SCARA5: variants seen among roughly 807,000 people sequenced by gnomAD.
SCARA5 encodes scavenger receptor class A member 5.
A neutral mutation model predicts 46.3 loss-of-function variants in SCARA5; 45 were observed. The observed-to-expected ratio is 0.97, with a 90% CI of 0.76 to 1.24. The LOEUF is 1.24. Ranked by LOEUF, SCARA5 falls within the 50% of genes most tolerant of loss-of-function variation. The probability of loss-of-function intolerance (pLI) is 0.00; values close to 1 mark genes in which losing one functional copy is unlikely to be tolerated. For synonymous variants in SCARA5, 333 were observed against 306.5 expected (o/e 1.09, Z -0.90); for missense variants, 680 against 689.0 (o/e 0.99, Z 0.15).
At chr8:27,937,317 T>C (rs1016864718) in intron 3 of SCARA5, among the ~76,000 whole-genome samples, 2 of 152,164 alleles carry the variant, frequency 1.3e-5, no homozygotes, top group Non-Finnish European at 2.9e-5. Flanking sequence ...GGGACCAACC[T>C]GGGACTCACC....
chr8:27,876,611 A>G (rs571550256), intron 8 of SCARA5, among the ~76,000 whole-genome samples: 87 of 152,206 alleles, frequency 5.7e-4, no homozygotes, highest in African/African-American at 2.1e-3. Flanking sequence ...CCATTGGAGA[A>G]GCCCATGGGG....
At chr8:27,896,908 A>G (rs1482726457) in intron 7 of SCARA5, among the ~76,000 whole-genome samples, 1 of 152,176 alleles carries the variant, frequency 6.6e-6, no homozygotes, top group Non-Finnish European at 1.5e-5. Flanking sequence ...CCTGACCAAC[A>G]TGGTGAAACC....
intron 3 of SCARA5, among the ~76,000 whole-genome samples, chr8:27,957,873 G>C (rs112238479): frequency 3.4e-4 from 52 of 152,342 alleles, no homozygotes; most frequent in Middle Eastern, 3.4e-3. Context: ...GCCTAGCATG[G>C]GGTTGGCAAA....
chr8:27,953,818 T>C lies in SCARA5; in HGVS notation c.241+12596A>G, dbSNP rs530709125. On this transcript the variant is annotated intron_variant, in intron 3 of 8. Coordinates refer to ENST00000354914, the MANE Select transcript of SCARA5 (RefSeq NM_173833.6). ...GTATGGGAAATTTGGAGCATCTGAA[T>C]AGTGAGTTTACACCCAAAAAAGGTT... Among the ~76,000 whole-genome samples the C allele has an allele frequency of 1.8e-4, 27 of 152,198 alleles. No individual in the cohort carries two copies. The East Asian group carries it at 4.6e-3, about 26-fold the overall frequency.
intron 4 of SCARA5, among the ~76,000 whole-genome samples, chr8:27,910,949 C>T (rs530783166): frequency 4.6e-5 from 7 of 152,276 alleles, no homozygotes; most frequent in South Asian, 2.1e-4. Context: ...ACCACACAGG[C>T]GGCGAGTGAG....
rs377017472 is a variant in SCARA5, at chr8:27,887,457, C to T, written c.1154-7691G>A. Among the ~76,000 whole-genome samples, 11 of 152,152 alleles carry T rather than the reference C, an allele frequency of 7.2e-5. 1 individual carries two copies. The East Asian group carries it at 1.5e-3, about 21-fold the overall frequency. On this transcript the variant is annotated intron_variant, in intron 7 of 8. Transcript: ENST00000354914. ...GATGGTACTGGCTACAAGGCTGGTC[C>T]CTACCAGCTCTGTGCAGGAATGGCA...
chr8:27,989,586 CG>C (rs1195587342), intron 1 of SCARA5, among the ~76,000 whole-genome samples: 27 of 152,202 alleles, frequency 1.8e-4, no homozygotes, highest in Non-Finnish European at 2.9e-4. Context: ...TCCCCCATAA[CG>C]GGCACACACA....
At position 27,966,432 on chromosome 8, in the gene SCARA5, C is replaced by T. The variant is rs1808368912; in HGVS notation, c.223G>A (p.Gly75Ser). 1 of 1,611,236 alleles carries T rather than the reference C, an allele frequency of 6.2e-7. No individual in the cohort carries two copies. Among genetic ancestry groups the T allele is most frequent in the Non-Finnish European group, 8.5e-7 (1 of 1,179,268 alleles). The change falls in exon 3 of 9, where the codon GGC becomes AGC. Residue 75 changes from glycine to serine, a missense_variant. Physicochemically the swap from Gly to Ser is moderately conservative, Grantham distance 56 (BLOSUM62 0). This residue lies in a region of SCARA5 where 438 missense variants were observed against 384.5 expected (regional missense o/e 1.14). Coordinates refer to ENST00000354914, the MANE Select transcript of SCARA5 (RefSeq NM_173833.6). ...LYLLVFLILVGIFILAVSRPR... is the reference protein window; with the variant it reads ...LYLLVFLILVSIFILAVSRPR... ...CTCTTACCTGCTAAGATGAAGATGCCCACAAGAATCAGGAAGACCAGCAGG... is the reference window on the plus strand; with the variant it reads ...CTCTTACCTGCTAAGATGAAGATGCTCACAAGAATCAGGAAGACCAGCAGG...
intron 2 of SCARA5, among the ~76,000 whole-genome samples, chr8:27,983,456 G>A (rs185822983): frequency 1.1e-3 from 160 of 152,242 alleles, no homozygotes; most frequent in South Asian, 1.9e-3. Flanking sequence ...AGAAGTGAGG[G>A]GAGTCACTCC....
At chr8:27,885,962 T>G (rs2129689240) in intron 7 of SCARA5, 1 of 154,758 alleles carries the variant, frequency 6.5e-6, no homozygotes, top group South Asian at 2.0e-4. Flanking sequence ...AATCACGGGA[T>G]GCAAAGCATC....
chr8:27,908,065 C>T (rs927435922), intron 5 of SCARA5, among the ~76,000 whole-genome samples: 3 of 149,858 alleles, frequency 2.0e-5, no homozygotes, highest in Admixed American at 1.4e-4. Flanking sequence ...GAGGCAGGAT[C>T]TGAGCCCTGC....
chr8:27,870,263 T>C lies in SCARA5; in HGVS notation c.*1671A>G, dbSNP rs1328061750. On this transcript the variant is annotated 3_prime_UTR_variant, in exon 9 of 9. Coordinates refer to ENST00000354914, the MANE Select transcript of SCARA5 (RefSeq NM_173833.6). Reference sequence around the variant, plus strand: ...CTTAAATGCAAACCTTGCAATGTGCTGAGCTATGTAGTAAAAAGTGCTATG... The same window carrying C: ...CTTAAATGCAAACCTTGCAATGTGCCGAGCTATGTAGTAAAAAGTGCTATG... 2.0e-5 allele frequency: 3 copies of C among 151,148 alleles called. No individual in the cohort carries two copies. Among genetic ancestry groups the C allele is most frequent in the African/African-American group, 7.3e-5 (3 of 41,072 alleles). The allele number at this position is 151,148 out of a possible 1,614,324, so 9.4% of individuals were successfully genotyped here.
intron 8 of SCARA5, among the ~76,000 whole-genome samples, 169 bp from the exon 9 acceptor site, chr8:27,872,239 A>G (rs1806651360): frequency 6.6e-6 from 1 of 152,074 alleles, no homozygotes; most frequent in Non-Finnish European, 1.5e-5. Flanking sequence ...ATTTTCTGGG[A>G]TTAGTTTCTT....
At chr8:27,878,237 C>A (rs1276945281) in intron 8 of SCARA5, among the ~76,000 whole-genome samples, 2 of 152,156 alleles carry the variant, frequency 1.3e-5, no homozygotes, top group African/African-American at 4.8e-5. Flanking sequence ...TCTTAAATCC[C>A]AGGGGGCCCA....
intron 7 of SCARA5, among the ~76,000 whole-genome samples, chr8:27,880,579 C>T (rs28806190): frequency 0.14 from 21,761 of 152,008 alleles, 2,062 homozygotes; most frequent in African/African-American, 0.28. Context: ...GGCTTGGTGG[C>T]TTATGCTTAT....
chr8:27,898,241 T>G (rs1474278385), intron 7 of SCARA5, among the ~76,000 whole-genome samples: 1 of 95,538 alleles, frequency 1.0e-5, no homozygotes, highest in East Asian at 2.8e-4. Flanking sequence ...AACTGTTTTC[T>G]GCACACAGCA....
chr8:27,888,044 C>A (rs189047214), intron 7 of SCARA5, among the ~76,000 whole-genome samples: 2 of 152,184 alleles, frequency 1.3e-5, no homozygotes, highest in East Asian at 3.9e-4. Context: ...GAAACTGAGG[C>A]CTGAACTCTG....
chr8:27,976,962 C>T (rs897618825), intron 2 of SCARA5, among the ~76,000 whole-genome samples: 1 of 152,236 alleles, frequency 6.6e-6, no homozygotes. Flanking sequence ...GCCCCCCTGC[C>T]TTAGTCCAGG....
intron 3 of SCARA5, among the ~76,000 whole-genome samples, chr8:27,941,800 CATTATTATTATT>C (rs71536304): frequency 0.025 from 3,315 of 135,278 alleles, 71 homozygotes; most frequent in East Asian, 0.055. Flanking sequence ...TTTACATCAT[CATTATTATTATT>C]ATTATTATTA....
Sources: gnomAD v4.1 joint callset for allele counts (sites outside exome capture counted in the v4.1 genomes callset) on GRCh38, gnomAD v4.1.1 for gene constraint, gnomAD v4.1.1 regional missense constraint, MANE v1.5 for transcripts, NCBI Gene and HGNC (gene_info 2026-07-23, HGNC 2026-07-21) for gene names.